Variants in MTPAP observed in about 807,000 individuals in gnomAD.
MTPAP encodes the protein mitochondrial poly(A) polymerase, also known as poly(A) RNA polymerase, mitochondrial.
A neutral mutation model predicts 48.7 loss-of-function variants in MTPAP; 23 were observed. The observed-to-expected ratio is 0.47, with a 90% CI of 0.34 to 0.67. MTPAP has a LOEUF of 0.67. Ranked by LOEUF, MTPAP falls within the 30% of genes least tolerant of loss-of-function variation. MTPAP has a pLI of 0.01. For missense variants in MTPAP, 614 were observed against 694.3 expected, an observed-to-expected ratio of 0.88 and a Z score of 1.30; for synonymous variants, 257 against 254.1, an observed-to-expected ratio of 1.01 and a Z score of -0.11.
chr10:30,313,987 C>G lies in MTPAP; in HGVS notation c.1387-16G>C. ...GCTCCCTTCCCTATAGATTATTACA[C>G]AGAAGAAAAAATGAGTAAGTACATG... On this transcript the variant is annotated splice_polypyrimidine_tract_variant and intron_variant, in intron 8 of 8. Transcript: ENST00000263063. 6.2e-7 allele frequency: 1 copy of G among 1,610,742 alleles called. No individual in the cohort carries two copies.
intron 4 of MTPAP, among the ~76,000 whole-genome samples, chr10:30,332,764 C>T (rs1249597341): frequency 6.6e-6 from 1 of 151,322 alleles, no homozygotes; most frequent in Non-Finnish European, 1.5e-5. Context: ...GCAGGAGGAT[C>T]GTTAGCCCAG....
intron 4 of MTPAP, among the ~76,000 whole-genome samples, chr10:30,326,937 C>A (rs921070452): frequency 6.6e-6 from 1 of 152,120 alleles, no homozygotes; most frequent in African/African-American, 2.4e-5. Context: ...ATGCATAGAA[C>A]CATTCACCTT....
At chr10:30,320,470 C>T (rs1840710010) in intron 6 of MTPAP, among the ~76,000 whole-genome samples, 1 of 151,846 alleles carries the variant, frequency 6.6e-6, no homozygotes, top group East Asian at 1.9e-4. Context: ...TATAGTGAGC[C>T]GAGATTGTGC....
At chr10:30,319,899 T>TGG (rs1440171325) in intron 6 of MTPAP, among the ~76,000 whole-genome samples, 2 of 152,214 alleles carry the variant, frequency 1.3e-5, no homozygotes, top group African/African-American at 2.4e-5. Flanking sequence ...AGTGAAATAT[T>TGG]AAAGAATTCC....
At chr10:30,341,351 T>C in intron 2 of MTPAP, 117 bp downstream of exon 2, 1 of 1,274,358 alleles carries the variant, frequency 7.8e-7, no homozygotes, top group Non-Finnish European at 1.1e-6. Flanking sequence ...GAAGATGCAG[T>C]ATATCAAAGA....
intron 1 of MTPAP, among the ~76,000 whole-genome samples, chr10:30,342,036 C>T (rs1834815349): frequency 1.3e-5 from 2 of 151,996 alleles, no homozygotes; most frequent in Admixed American, 6.6e-5. Context: ...GCCAGGAGTT[C>T]GAGATCAGCC....
rs1182449236 is a variant in MTPAP at position 30,311,293 on chromosome 10, A to G, written c.*2316T>C. The G allele has an allele frequency of 1.3e-5, 2 of 152,240 alleles. No individual in the cohort carries two copies. The highest frequency in any genetic ancestry group is 4.8e-5 in the African/African-American group (2 of 41,468). The allele number at this position is 152,240 out of a possible 1,614,324, so 9.4% of individuals were successfully genotyped here. On this transcript the variant is annotated 3_prime_UTR_variant, in exon 9 of 9. Coordinates refer to ENST00000263063, the MANE Select transcript of MTPAP (RefSeq NM_018109.4). ...TCAAATGTGCAATCCAATAGCACAG[A>G]CACAAGGACACAGAATTCATTTGCT...
At chr10:30,332,269 C>A (rs1294433904) in intron 4 of MTPAP, among the ~76,000 whole-genome samples, 1 of 152,146 alleles carries the variant, frequency 6.6e-6, no homozygotes, top group African/African-American at 2.4e-5. Flanking sequence ...CTAATTTAAA[C>A]TGACACAGGA....
chr10:30,337,034 A>G lies in MTPAP; in HGVS notation c.556-7T>C. ...TGTTCAGCTGATCGTCTATCTAGCT[A>G]GCCGAAACAAAACCAACAAAATAGA... On this transcript the variant is annotated splice_polypyrimidine_tract_variant and splice_region_variant and intron_variant, in intron 3 of 8. Coordinates refer to ENST00000263063, the MANE Select transcript of MTPAP (RefSeq NM_018109.4). 6.2e-7 allele frequency: 1 copy of G among 1,607,418 alleles called. No individual in the cohort carries two copies. The highest frequency in any genetic ancestry group is 1.1e-5 in the South Asian group (1 of 90,928).
chr10:30,328,858 G>A (rs112067676), intron 4 of MTPAP, among the ~76,000 whole-genome samples: 8 of 152,122 alleles, frequency 5.3e-5, no homozygotes, highest in African/African-American at 1.9e-4. Flanking sequence ...CGGGTAGGGA[G>A]GAAGGAGTTA....
intron 2 of MTPAP, among the ~76,000 whole-genome samples, chr10:30,340,859 C>T (rs1398462923): frequency 6.6e-6 from 1 of 151,772 alleles, no homozygotes; most frequent in South Asian, 2.1e-4. Context: ...ACGGAGGTTG[C>T]AATGACCCAA....
rs1325684151 is a variant in MTPAP at position 30,337,006 on chromosome 10, G to C, written c.577C>G (p.Leu193Val). ...TCTGTTAGCTGGAACTCCTTCAAGA[G>C]AGTGTTCAGCTGATCGTCTATCTAG... ...AESIDDQLNTLLKEFQLTEEN... is the reference protein window; with the variant it reads ...AESIDDQLNTVLKEFQLTEEN... The change falls in exon 4 of 9, where the codon CTC (leucine) becomes GTC (valine). Residue 193 changes from leucine to valine, a missense_variant. By Grantham distance (32) the Leu-to-Val change is conservative (BLOSUM62 1). Around this residue, in one of 5 missense-constraint regions of MTPAP, gnomAD observed 114 missense variants for 107.9 expected, o/e 1.06. Coordinates refer to ENST00000263063, the MANE Select transcript of MTPAP (RefSeq NM_018109.4). 4 of 1,613,142 alleles carry C rather than the reference G, an allele frequency of 2.5e-6. No individual in the cohort carries two copies. Among genetic ancestry groups the C allele is most frequent in the Non-Finnish European group, 3.4e-6 (4 of 1,179,888 alleles).
Position 30,316,112 on chromosome 10 carries a change from A to G in MTPAP, c.1312+6T>C. 6.2e-7 allele frequency: 1 copy of G among 1,611,808 alleles called. No individual in the cohort carries two copies. Among genetic ancestry groups the G allele is most frequent in the Non-Finnish European group, 8.5e-7 (1 of 1,177,912 alleles). ...GAAAGGATCAAGTAAACAGAAAGAC[A>G]CTTACCTAATGTTTCTGTGTTCTGT... is the stretch of plus-strand genomic sequence containing the variant. On this transcript the variant is annotated splice_donor_region_variant and intron_variant, in intron 7 of 8. Coordinates refer to ENST00000263063, the MANE Select transcript of MTPAP (RefSeq NM_018109.4).
chr10:30,315,901 A>C, intron 8 of MTPAP, 62 bp downstream of exon 8: 1 of 1,408,500 alleles, frequency 7.1e-7, no homozygotes, highest in South Asian at 1.3e-5. Flanking sequence ...GAAAACAGTT[A>C]ATTAAATATT....
chr10:30,348,946 C>T (rs1163565841), intron 1 of MTPAP, 173 bp downstream of exon 1: 11 of 872,696 alleles, frequency 1.3e-5, no homozygotes, highest in East Asian at 2.7e-5. Flanking sequence ...GCCTCAGCAA[C>T]GGCGGCGACC....
chr10:30,323,918 C>T (rs1834544797), intron 5 of MTPAP, among the ~76,000 whole-genome samples: 1 of 152,212 alleles, frequency 6.6e-6, no homozygotes, highest in Non-Finnish European at 1.5e-5. Flanking sequence ...CAGTAGCTCA[C>T]ACCTGTGATC....
chr10:30,313,671 C>A lies in MTPAP; in HGVS notation c.1687G>T (p.Gly563Cys), dbSNP rs2132841365. The change falls in exon 9 of 9, where the codon GGT becomes TGT. Residue 563 changes from glycine (G) to cysteine (C), a missense_variant. Transcript: ENST00000263063. Reference sequence around the variant, plus strand: ...TTTGTGAAATTTTCTGTTCTGTTACCTTTTAAAGATTCTAGCAAGTTTTTG... The same window carrying A: ...TTTGTGAAATTTTCTGTTCTGTTACATTTTAAAGATTCTAGCAAGTTTTTG... ...TVKNLLESLK[G>C]NRTENFTKTS... 3.1e-6 allele frequency: 5 copies of A among 1,614,064 alleles called. No homozygotes were observed. Among genetic ancestry groups the A allele is most frequent in the Non-Finnish European group, 4.2e-6 (5 of 1,179,952 alleles).
At chr10:30,338,304 ATAACAACATAACAT>A (rs1289511233) in intron 3 of MTPAP, among the ~76,000 whole-genome samples, 2 of 151,674 alleles carry the variant, frequency 1.3e-5, no homozygotes, top group Admixed American at 6.6e-5. Flanking sequence ...TAACATTAAC[ATAACAACATAACAT>A]TAACATAACA....
intron 1 of MTPAP, 48 bp downstream of exon 1, chr10:30,349,071 T>C: frequency 1.2e-6 from 2 of 1,613,040 alleles, no homozygotes; most frequent in Non-Finnish European, 1.7e-6. Context: ...GATCCCAGAC[T>C]CCTCGCCCGC....
Sources: gnomAD v4.1 joint callset for allele counts (sites outside exome capture counted in the v4.1 genomes callset) on GRCh38, gnomAD v4.1.1 for gene constraint, gnomAD v4.1.1 regional missense constraint, MANE v1.5 for transcripts, NCBI Gene and HGNC (gene_info 2026-07-23, HGNC 2026-07-21) for gene names.